PLSCR2: variants seen among roughly 807,000 people sequenced by gnomAD.
PLSCR2 encodes the protein phospholipid scramblase 2.
Under a neutral mutation model 25.3 loss-of-function variants are expected in PLSCR2, and 18 were observed. That is an observed-to-expected ratio of 0.71 (90% confidence interval 0.49 to 1.06). The LOEUF (loss-of-function observed/expected upper bound fraction) is 1.06. Ranked by LOEUF, PLSCR2 falls within the 50% of genes least tolerant of loss-of-function variation. PLSCR2 has a pLI of 0.00. For missense variants in PLSCR2, 243 were observed against 269.5 expected (o/e 0.90, Z 0.69); for synonymous variants, 88 against 87.3 (o/e 1.01, Z -0.04).
chr3:146,409,055 C>CCGGAGTA (rs1156335501), intron 2 of PLSCR2, among the ~76,000 whole-genome samples: 2 of 152,116 alleles, frequency 1.3e-5, no homozygotes, highest in African/African-American at 4.8e-5. Flanking sequence ...GCCAGTGAGT[C>CCGGAGTA]CGGAGTACGG....
intron 2 of PLSCR2, among the ~76,000 whole-genome samples, chr3:146,414,966 C>T (rs770333607): frequency 1.3e-5 from 2 of 152,118 alleles, no homozygotes; most frequent in Non-Finnish European, 2.9e-5. Context: ...CTGCATTTAC[C>T]TTCTCATTAT....
intron 1 of PLSCR2, among the ~76,000 whole-genome samples, chr3:146,468,948 A>T (rs2041988620): frequency 6.6e-6 from 1 of 152,206 alleles, no homozygotes; most frequent in African/African-American, 2.4e-5. Context: ...CAGTCCACAG[A>T]TGTGAAGCAG....
downstream of PLSCR2, among the ~76,000 whole-genome samples, chr3:146,431,113 C>T (rs781310727): frequency 1.1e-4 from 16 of 152,172 alleles, no homozygotes; most frequent in East Asian, 1.9e-4. Context: ...GCTTGACTTC[C>T]GGGGAAAGGG....
downstream of PLSCR2, among the ~76,000 whole-genome samples, chr3:146,430,418 G>A (rs1237465037): frequency 6.6e-6 from 1 of 152,100 alleles, no homozygotes; most frequent in Non-Finnish European, 1.5e-5. Context: ...TAATAACAAG[G>A]GCAGGAGTAG....
At chr3:146,435,533 CA>C in intron 8 of PLSCR2, among the ~76,000 whole-genome samples, 1 of 152,278 alleles carries the variant, frequency 6.6e-6, no homozygotes, top group Non-Finnish European at 1.5e-5. Context: ...AGATGATGAG[CA>C]TTTTTTCGTG....
At chr3:146,450,095 T>C (rs918328672) in intron 5 of PLSCR2, among the ~76,000 whole-genome samples, 1 of 152,308 alleles carries the variant, frequency 6.6e-6, no homozygotes, top group African/African-American at 2.4e-5. Context: ...TATATAGCAT[T>C]GAAAAGTGTG....
At chr3:146,461,630 G>A (rs1010411972), upstream of PLSCR2, among the ~76,000 whole-genome samples, 1 of 152,068 alleles carries the variant, frequency 6.6e-6, no homozygotes, top group Non-Finnish European at 1.5e-5. Flanking sequence ...TTTACGTGAC[G>A]ATCTACCGAG....
upstream of PLSCR2, chr3:146,495,987 G>T: frequency 7.9e-7 from 1 of 1,273,538 alleles, no homozygotes; most frequent in Non-Finnish European, 1.1e-6. Flanking sequence ...AAGATGGGCA[G>T]ATACAAGCAA....
At chr3:146,495,754 A>G in intron 1 of PLSCR2, 1 of 624,180 alleles carries the variant, frequency 1.6e-6, no homozygotes, top group Non-Finnish European at 2.8e-6. Context: ...ACACTGTTTA[A>G]GATACCTAGT....
intron 8 of PLSCR2, among the ~76,000 whole-genome samples, chr3:146,434,177 G>C (rs532150943): frequency 6.6e-6 from 1 of 152,088 alleles, no homozygotes; most frequent in Non-Finnish European, 1.5e-5. Context: ...ATTTAACTAT[G>C]TCAGGATAAC....
intron 1 of PLSCR2, chr3:146,495,763 G>A (rs1406691298): frequency 1.6e-6 from 1 of 640,346 alleles, no homozygotes; most frequent in Non-Finnish European, 2.7e-6. Flanking sequence ...AAGATACCTA[G>A]TATGAGTTTA....
At chr3:146,423,249 CT>C (rs2039215397) in intron 2 of PLSCR2, among the ~76,000 whole-genome samples, 1 of 124,588 alleles carries the variant, frequency 8.0e-6, no homozygotes, top group Non-Finnish European at 1.7e-5. Context: ...CTCTCTCTCT[CT>C]CTCTCTCTCT....
rs1407115459 is a variant in PLSCR2 at position 146,458,469 on chromosome 3, G to T, written c.58-16C>A. On this transcript the variant is annotated splice_polypyrimidine_tract_variant and intron_variant, in intron 2 of 6. Transcript: ENST00000610787. The stretch of plus-strand genomic sequence containing the variant: ...TCATATCTATCTATTATAGTAAAAA[G>T]AAAATGAAGTTGTATGTCAAATATT... 1.4e-6 allele frequency: 2 copies of T among 1,409,302 alleles called. No homozygotes were observed. Among genetic ancestry groups the T allele is most frequent in the African/African-American group, 1.5e-5 (1 of 68,036 alleles). 87.3% of individuals were successfully genotyped at this position (1,409,302 alleles called of 1,614,324 possible).
At chr3:146,432,631 T>C (rs749696377), downstream of PLSCR2, among the ~76,000 whole-genome samples, 15 of 152,202 alleles carry the variant, frequency 9.9e-5, no homozygotes, top group Non-Finnish European at 2.1e-4. Flanking sequence ...AATACTTTTA[T>C]AGAATCTACC....
intron 1 of PLSCR2, among the ~76,000 whole-genome samples, chr3:146,493,675 A>G (rs530974451): frequency 2.0e-5 from 3 of 151,566 alleles, no homozygotes; most frequent in Non-Finnish European, 4.4e-5. Flanking sequence ...AAAGGTAAGC[A>G]TGTGTTTTCA....
At chr3:146,465,033 A>T (rs473517), upstream of PLSCR2, among the ~76,000 whole-genome samples, 1 of 151,938 alleles carries the variant, frequency 6.6e-6, no homozygotes, top group Non-Finnish European at 1.5e-5. Flanking sequence ...TTGTTTATTT[A>T]ACCTTCCAAG....
intron 3 of PLSCR2, among the ~76,000 whole-genome samples, chr3:146,392,962 T>G (rs551175097): frequency 1.3e-5 from 2 of 151,562 alleles, no homozygotes; most frequent in Admixed American, 1.3e-4. Context: ...TTTTATTACA[T>G]ATTTTAAAGT....
upstream of PLSCR2, chr3:146,461,947 C>T: frequency 6.9e-7 from 1 of 1,446,962 alleles, no homozygotes; most frequent in Non-Finnish European, 9.1e-7. Flanking sequence ...AAATAATATC[C>T]TTTCATAAGC....
intron 3 of PLSCR2, among the ~76,000 whole-genome samples, chr3:146,457,060 C>T (rs920554823): frequency 6.6e-6 from 1 of 151,966 alleles, no homozygotes; most frequent in Non-Finnish European, 1.5e-5. Context: ...CCAGAGCAAA[C>T]TTAATTTAGC....
Sources: gnomAD v4.1 joint callset for allele counts (sites outside exome capture counted in the v4.1 genomes callset) on GRCh38, gnomAD v4.1.1 for gene constraint, MANE v1.5 for transcripts, NCBI Gene and HGNC (gene_info 2026-07-23, HGNC 2026-07-21) for gene names.